The following PCDHGB3 variants were observed in gnomAD, a reference collection of about 807,000 sequenced individuals.
The protein encoded by PCDHGB3 is protocadherin gamma subfamily B, 3, also known as protocadherin gamma-B3.
Under a neutral mutation model 59.2 loss-of-function variants are expected in PCDHGB3, and 40 were observed. That is an observed-to-expected ratio of 0.68 (90% CI 0.52 to 0.88). The LOEUF is 0.88. PCDHGB3 is among the 40% of genes least tolerant of loss of function. PCDHGB3 has a pLI of 0.00. For missense variants in PCDHGB3, 1,309 were observed against 1,187.9 expected (o/e 1.10, Z -1.50); for synonymous variants, 581 against 503.6 (o/e 1.15, Z -2.06).
chr5:141,399,972 G>A, intron 1 of PCDHGB3: 1 of 1,612,256 alleles, frequency 6.2e-7, no homozygotes. Flanking sequence ...TCTTCAGCCT[G>A]GGGCTGCGCA....
Position 141,371,868 on chromosome 5 carries a change from G to C in PCDHGB3, c.1474G>C (p.Val492Leu), listed in dbSNP as rs755178809. The change falls in exon 1 of 4, where the codon GTG becomes CTG. Residue 492 changes from valine (V) to leucine (L), a missense_variant. Val to Leu is a conservative substitution (Grantham distance 32, BLOSUM62 1). Coordinates refer to ENST00000576222, the MANE Select transcript of PCDHGB3 (RefSeq NM_018924.5). The stretch of plus-strand genomic sequence containing the variant: ...TAATGGCCTTGTCTCCTACTACATC[G>C]TGGCCAGTGACCTGGAGCCGCGGGA... The part of the protein sequence containing the change: ...GPNGLVSYYI[V>L]ASDLEPRELS... 1.2e-6 allele frequency: 2 copies of C among 1,613,510 alleles called. No homozygotes were observed. Among genetic ancestry groups the C allele is most frequent in the Non-Finnish European group, 8.5e-7 (1 of 1,179,902 alleles).
At chr5:141,398,328 C>G in intron 1 of PCDHGB3, 7 of 1,353,010 alleles carry the variant, frequency 5.2e-6, no homozygotes, top group Non-Finnish European at 7.2e-6. Context: ...GAAAACTGCG[C>G]GTCAGTTCGG....
Position 141,490,711 on chromosome 5 carries a change from T to C in PCDHGB3, c.2416-4096T>C. ...CACTGGGGATAATGCCCGCCTCACC[T>C]ACTCCATTGTAGGAAATCAGGTTCA... On this transcript the variant is annotated intron_variant, in intron 1 of 3. Transcript: ENST00000576222. The surrounding 1 kb of genome is among the most constrained non-coding windows in gnomAD (Gnocchi z 5.4). The C allele has an allele frequency of 6.2e-7, 1 of 1,614,200 alleles. No individual in the cohort carries two copies. Among genetic ancestry groups the C allele is most frequent in the Non-Finnish European group, 8.5e-7 (1 of 1,180,002 alleles).
intron 1 of PCDHGB3, chr5:141,408,050 G>A: frequency 1.6e-6 from 2 of 1,259,544 alleles, no homozygotes; most frequent in Middle Eastern, 2.8e-4. Flanking sequence ...CCCACACAGA[G>A]CCTCCCGGCT....
chr5:141,456,678 T>C (rs2098875796), intron 1 of PCDHGB3, among the ~76,000 whole-genome samples: 1 of 152,152 alleles, frequency 6.6e-6, no homozygotes, highest in South Asian at 2.1e-4. Flanking sequence ...TAAAAATGCA[T>C]TACTGGCCAG....
In PCDHGB3 at chr5:141,491,958, A is replaced by C; in HGVS notation, c.2416-2849A>C. The C allele has an allele frequency of 2.0e-6, 2 of 999,758 alleles. No homozygotes were observed. Among genetic ancestry groups the C allele is most frequent in the Non-Finnish European group, 2.8e-6 (2 of 718,534 alleles). The allele number at this position is 999,758 out of a possible 1,614,324, so 61.9% of individuals were successfully genotyped here. The stretch of plus-strand genomic sequence containing the variant: ...ACCGACCCCCACCCCTACACTCAAA[A>C]AAGGCCGGGGCCTCCTTCGAGCTTC... On this transcript the variant is annotated intron_variant, in intron 1 of 3. Coordinates refer to ENST00000576222, the MANE Select transcript of PCDHGB3 (RefSeq NM_018924.5). The surrounding 1 kb of genome is among the most constrained non-coding windows in gnomAD (Gnocchi z 6.9).
intron 1 of PCDHGB3, among the ~76,000 whole-genome samples, chr5:141,488,655 G>C (rs1438020338): frequency 6.6e-6 from 1 of 152,164 alleles, no homozygotes. Flanking sequence ...GATGGGGGAG[G>C]GTGGGGGAAT....
intron 1 of PCDHGB3, among the ~76,000 whole-genome samples, chr5:141,387,466 C>G (rs1589036513): frequency 6.6e-6 from 1 of 152,194 alleles, no homozygotes; most frequent in Non-Finnish European, 1.5e-5. Context: ...TAAAAATCCT[C>G]AAAGTTGGGA....
chr5:141,409,407 A>G, intron 1 of PCDHGB3: 3 of 1,614,012 alleles, frequency 1.9e-6, no homozygotes, highest in Non-Finnish European at 2.5e-6. Flanking sequence ...AATAACTACT[A>G]CAAACTGGTG....
chr5:141,417,919 G>C, intron 1 of PCDHGB3: 1 of 1,605,944 alleles, frequency 6.2e-7, no homozygotes, highest in Non-Finnish European at 8.5e-7. Flanking sequence ...TATTTCCTTT[G>C]CTGCTGCCTT....
chr5:141,374,569 G>A, intron 1 of PCDHGB3: 2 of 1,613,666 alleles, frequency 1.2e-6, no homozygotes, highest in African/African-American at 1.3e-5. Context: ...ACCCTGATGT[G>A]GGAATGAACT....
intron 1 of PCDHGB3, chr5:141,410,481 G>C: frequency 6.2e-7 from 1 of 1,613,966 alleles, no homozygotes; most frequent in Non-Finnish European, 8.5e-7. Flanking sequence ...GCACATACGG[G>C]TACAAAAGAG....
At chr5:141,374,879 G>A in intron 1 of PCDHGB3, 1 of 1,613,694 alleles carries the variant, frequency 6.2e-7, no homozygotes, top group Non-Finnish European at 8.5e-7. Flanking sequence ...GGCAGTGACT[G>A]CCACCGACCA....
chr5:141,494,142 A>AAGACAACT (rs2099752181), intron 1 of PCDHGB3, among the ~76,000 whole-genome samples: 5 of 152,090 alleles, frequency 3.3e-5, no homozygotes, highest in Admixed American at 6.5e-5. Context: ...TTAGTCACAG[A>AAGACAACT]CCATTGTCTG....
At chr5:141,376,477 T>C (rs550916604) in intron 1 of PCDHGB3, 1 of 1,614,200 alleles carries the variant, frequency 6.2e-7, no homozygotes, top group African/African-American at 1.3e-5. Context: ...AGGATTTACT[T>C]GAAACGAAAG....
intron 1 of PCDHGB3, among the ~76,000 whole-genome samples, chr5:141,425,699 G>A (rs535043616): frequency 6.6e-6 from 1 of 152,260 alleles, no homozygotes; most frequent in Non-Finnish European, 1.5e-5. Context: ...ATTTCATAGT[G>A]GTCAAAATTT....
chr5:141,388,747 C>T (rs1434278785), intron 1 of PCDHGB3: 2 of 1,613,862 alleles, frequency 1.2e-6, no homozygotes, highest in African/African-American at 1.3e-5. Context: ...AGCCAGATCA[C>T]CCAATTTGAC....
chr5:141,404,517 A>G lies in PCDHGB3; in HGVS notation c.2415+31708A>G, dbSNP rs1268035794. On this transcript the variant is annotated intron_variant, in intron 1 of 3. Transcript: ENST00000576222. The stretch of plus-strand genomic sequence containing the variant: ...CTGTATGCTCTGTGCTCCTTTGACT[A>G]TGAGCAGTTTAGAGATTTGCAAATG... 5 of 1,613,938 alleles carry G rather than the reference A, an allele frequency of 3.1e-6. No homozygotes were observed. Among genetic ancestry groups the G allele is most frequent in the Non-Finnish European group, 3.4e-6 (4 of 1,179,844 alleles).
intron 1 of PCDHGB3, chr5:141,400,474 G>A: frequency 6.2e-7 from 1 of 1,614,012 alleles, no homozygotes; most frequent in Non-Finnish European, 8.5e-7. Context: ...TTCATCTGGG[G>A]CCTTATTTCC....
Sources: gnomAD v4.1 joint callset for allele counts (sites outside exome capture counted in the v4.1 genomes callset) on GRCh38, gnomAD v4.1.1 for gene constraint, Gnocchi (gnomAD v3.1) non-coding constraint, MANE v1.5 for transcripts, NCBI Gene and HGNC (gene_info 2026-07-23, HGNC 2026-07-21) for gene names.